MYOCOS: variants seen among roughly 807,000 people sequenced by gnomAD.
The protein encoded by MYOCOS is myocilin opposite strand, also known as myocilin opposite strand protein.
upstream of MYOCOS, among the ~76,000 whole-genome samples, chr1:171,621,505 A>C (rs1652573752): frequency 6.6e-6 from 1 of 150,468 alleles, no homozygotes; most frequent in Admixed American, 6.7e-5. Context: ...CCTCCTGAGT[A>C]GCTGGGACTA....
upstream of MYOCOS, among the ~76,000 whole-genome samples, chr1:171,620,419 G>C (rs1311359751): frequency 6.6e-6 from 1 of 152,162 alleles, no homozygotes; most frequent in African/African-American, 2.4e-5. Flanking sequence ...ATGCAAAGCT[G>C]TTCTTTTTGG....
chr1:171,603,565 T>C (rs772495353), intron 1 of MYOCOS, among the ~76,000 whole-genome samples: 1 of 152,162 alleles, frequency 6.6e-6, no homozygotes, highest in Non-Finnish European at 1.5e-5. Context: ...TGACAGTCAA[T>C]AAAAATGTAA....
intron 2 of MYOCOS, among the ~76,000 whole-genome samples, chr1:171,615,802 C>T (rs548080686): frequency 6.6e-5 from 10 of 152,304 alleles, no homozygotes; most frequent in East Asian, 1.9e-4. Context: ...TCGGGGAGCT[C>T]GGATTTTAAG....
chr1:171,601,447 GGTGA>G (rs1455470555), intron 1 of MYOCOS, among the ~76,000 whole-genome samples: 1 of 151,690 alleles, frequency 6.6e-6, no homozygotes, highest in Non-Finnish European at 1.5e-5. Flanking sequence ...TTTGTCTTGT[GGTGA>G]GTGTGTGTAG....
At chr1:171,602,864 A>C (rs1172374314) in intron 1 of MYOCOS, among the ~76,000 whole-genome samples, 1 of 152,172 alleles carries the variant, frequency 6.6e-6, no homozygotes, top group Non-Finnish European at 1.5e-5. Context: ...ACTTAAAACA[A>C]ACTTTGGCAA....
chr1:171,624,278 T>G (rs1156508857), intron 2 of MYOCOS, among the ~76,000 whole-genome samples: 1 of 152,054 alleles, frequency 6.6e-6, no homozygotes, highest in Non-Finnish European at 1.5e-5. Context: ...GTTTTGTTTT[T>G]TTGAGACAGG....
chr1:171,602,085 A>T (rs576962568), intron 1 of MYOCOS, among the ~76,000 whole-genome samples: 1 of 152,246 alleles, frequency 6.6e-6, no homozygotes, highest in Non-Finnish European at 1.5e-5. Flanking sequence ...ATAAAGAGAA[A>T]AAAAAGGGGG....
chr1:171,612,899 A>T (rs1237799925), intron 1 of MYOCOS, among the ~76,000 whole-genome samples: 1 of 152,196 alleles, frequency 6.6e-6, no homozygotes, highest in Non-Finnish European at 1.5e-5. Flanking sequence ...AAATATGTCC[A>T]TTCCAATTAT....
In MYOCOS at chr1:171,607,814, A is replaced by T. The variant is rs1411825680; in HGVS notation, c.-252+6734A>T. 2.6e-5 allele frequency among the ~76,000 whole-genome samples: 4 copies of T among 152,336 alleles called. No homozygotes were observed. In the East Asian group the frequency reaches 5.8e-4, roughly 22 times the overall value. ...TCTTTGGCCAGGGTGTACAGAAAAC[A>T]GTGCAGTCTGTGTTCACAAGTCTAT... On this transcript the variant is annotated intron_variant, in intron 1 of 3. Transcript: ENST00000636697.
Position 171,623,940 on chromosome 1 carries a change from C to T in MYOCOS, c.57C>T (p.Thr19=). 2.5e-6 allele frequency: 1 copy of T among 398,612 alleles called. No individual in the cohort carries two copies. The highest frequency in any genetic ancestry group is 4.4e-6 in the Non-Finnish European group (1 of 226,082). 24.7% of individuals were successfully genotyped at this position (398,612 alleles called of 1,614,324 possible). The change falls in exon 2 of 3, where the codon ACC becomes ACT. Residue 19 remains threonine, a synonymous_variant. Transcript: ENST00000637642. ...NSINLPYKDL[T]SEVTRRRVTM... ...TTAATCTCCCCTACAAGGACTTGAC[C>T]TCCGAGGTAACCAGGCGCCGAGTCA... is the stretch of plus-strand genomic sequence containing the variant.
At chr1:171,620,773 C>CTTTTT (rs34455235), upstream of MYOCOS, among the ~76,000 whole-genome samples, 7 of 127,200 alleles carry the variant, frequency 5.5e-5, no homozygotes, top group African/African-American at 9.2e-5. Flanking sequence ...CTTTTTCTTT[C>CTTTTT]TTTTTTTTTT....
intron 2 of MYOCOS, among the ~76,000 whole-genome samples, chr1:171,625,349 A>G (rs984020429): frequency 2.0e-5 from 3 of 152,336 alleles, no homozygotes; most frequent in African/African-American, 7.2e-5. Context: ...AGATGGGAGC[A>G]GTGAACTTGT....
chr1:171,615,152 GA>G (rs1652423721), intron 2 of MYOCOS: 1 of 152,234 alleles, frequency 6.6e-6, no homozygotes, highest in East Asian at 1.9e-4. Flanking sequence ...GTGGTAACAT[GA>G]CATGTTTTTA....
intron 1 of MYOCOS, among the ~76,000 whole-genome samples, chr1:171,611,203 G>T (rs235903): frequency 0.15 from 23,166 of 152,128 alleles, 1,851 homozygotes; most frequent in Middle Eastern, 0.29. Context: ...AAACTTGAGG[G>T]TTTTCTTTTT....
upstream of MYOCOS, among the ~76,000 whole-genome samples, chr1:171,620,773 CTT>C (rs34455235): frequency 4.7e-5 from 6 of 127,200 alleles, no homozygotes; most frequent in Non-Finnish European, 3.2e-5. Flanking sequence ...CTTTTTCTTT[CTT>C]TTTTTTTTTT....
At chr1:171,614,559 G>A (rs1304114121) in intron 1 of MYOCOS, among the ~76,000 whole-genome samples, 1 of 152,160 alleles carries the variant, frequency 6.6e-6, no homozygotes, top group Non-Finnish European at 1.5e-5. Context: ...TATCTCTTAG[G>A]AGAGGGGCAG....
intron 1 of MYOCOS, among the ~76,000 whole-genome samples, chr1:171,609,643 C>G (rs1332644248): frequency 6.6e-6 from 1 of 152,164 alleles, no homozygotes. Flanking sequence ...TAGCTTAAGA[C>G]AGCATGTATT....
At chr1:171,610,796 T>A (rs979974557) in intron 1 of MYOCOS, among the ~76,000 whole-genome samples, 6 of 152,254 alleles carry the variant, frequency 3.9e-5, no homozygotes, top group African/African-American at 1.4e-4. Context: ...TGATGTAATG[T>A]GGGTACCTTG....
upstream of MYOCOS, among the ~76,000 whole-genome samples, chr1:171,620,178 C>T (rs1465846186): frequency 6.6e-6 from 1 of 151,148 alleles, no homozygotes; most frequent in East Asian, 1.9e-4. Context: ...TACCTTCATT[C>T]CATTATATGA....
Sources: gnomAD v4.1 joint callset for allele counts (sites outside exome capture counted in the v4.1 genomes callset) on GRCh38, gnomAD v4.1.1 for gene constraint, MANE v1.5 for transcripts, NCBI Gene and HGNC (gene_info 2026-07-23, HGNC 2026-07-21) for gene names.